APTX: variants seen among roughly 807,000 people sequenced by gnomAD.
APTX encodes the protein forkhead-associated domain histidine triad-like protein.
APTX carries 33 observed loss-of-function variants against 42.3 expected under a neutral mutation model. The observed-to-expected ratio is 0.78, with a 90% CI of 0.59 to 1.04. The LOEUF (loss-of-function observed/expected upper bound fraction) is 1.04, where lower values mean the gene tolerates loss of function less well. Among genes scored for constraint, APTX ranks in the 50% least tolerant of loss-of-function variants. The pLI is 0.00. For synonymous variants in APTX, 130 were observed against 146.7 expected, an observed-to-expected ratio of 0.89 and a Z score of 0.82; for missense variants, 421 against 415.1, an observed-to-expected ratio of 1.01 and a Z score of -0.12.
At chr9:33,004,061 A>C (rs188718068), upstream of APTX, among the ~76,000 whole-genome samples, 218 of 152,388 alleles carry the variant, frequency 1.4e-3, no homozygotes, top group African/African-American at 5.1e-3. Context: ...AAAATGTCGT[A>C]CATATACACC....
chr9:32,986,018 G>T lies in APTX; in HGVS notation c.496C>A (p.His166Asn). 2 of 1,543,860 alleles carry T rather than the reference G, an allele frequency of 1.3e-6. No homozygotes were observed. Among genetic ancestry groups the T allele is most frequent in the Non-Finnish European group, 1.8e-6 (2 of 1,137,830 alleles). ...DAPIKKESLG[H>N]WSQGLKISMQ... The stretch of plus-strand genomic sequence containing the variant: ...GAAATCTTCAAGCCTTGACTCCAGT[G>T]GCCCAGGGATTCCTAAAAAAAAAAC... Residue 166 changes from histidine to asparagine, a missense_variant, in exon 5 of 8, where the codon CAC becomes AAC. Physicochemically the swap from His to Asn is moderately conservative, Grantham distance 68. Transcript: ENST00000379817.
upstream of APTX, among the ~76,000 whole-genome samples, chr9:33,002,199 A>C (rs1036109610): frequency 6.6e-6 from 1 of 152,114 alleles, no homozygotes; most frequent in Non-Finnish European, 1.5e-5. Context: ...GTTCCCTAAG[A>C]ATCATATTGC....
Position 33,013,798 on chromosome 9 carries a change from C to T in APTX, c.-5+11225G>A, listed in dbSNP as rs540746200. 2.6e-5 allele frequency among the ~76,000 whole-genome samples: 4 copies of T among 152,262 alleles called. No individual in the cohort carries two copies. In the South Asian group the frequency reaches 8.3e-4, roughly 32 times the overall value. On this transcript the variant is annotated intron_variant, in intron 1 of 6. Transcript: ENST00000436040. ...CAGCCTGGGCGACGGTGCAAGACTC[C>T]GTCTAAAAAACAAAACAAAAACAAG...
upstream of APTX, among the ~76,000 whole-genome samples, chr9:33,004,951 T>C (rs1351295546): frequency 2.0e-5 from 3 of 152,050 alleles, no homozygotes; most frequent in African/African-American, 7.2e-5. Flanking sequence ...CTTGTTACTT[T>C]TTTTTGATAG....
At chr9:32,995,609 TG>T (rs1272207076) in intron 1 of APTX, among the ~76,000 whole-genome samples, 5 of 152,132 alleles carry the variant, frequency 3.3e-5, no homozygotes, top group African/African-American at 4.8e-5. Flanking sequence ...AACAAAGGGC[TG>T]GGTGTTATGG....
At chr9:33,006,271 A>G (rs974438383), upstream of APTX, among the ~76,000 whole-genome samples, 2 of 152,168 alleles carry the variant, frequency 1.3e-5, no homozygotes, top group African/African-American at 4.8e-5. Context: ...AAAAATTTTA[A>G]TAAAAAGAAT....
Position 32,989,882 on chromosome 9 carries a change from C to A in APTX, c.10G>T (p.Val4Leu). ...CTGTCCTGTCTCACCAACCAGCACA[C>A]CCGCATCATCACTCTAAGGGACAAA... MMR[V>L]CWLVRQDSRH... The change falls in exon 2 of 8, where the codon GTG (valine) becomes TTG (leucine). Residue 4 changes from valine (V) to leucine (L), a missense_variant. Val to Leu is a conservative substitution (Grantham distance 32). Coordinates refer to ENST00000379817, the MANE Select transcript of APTX (RefSeq NM_001195248.2). The A allele has an allele frequency of 6.2e-7, 1 of 1,614,074 alleles. No homozygotes were observed. The highest frequency in any genetic ancestry group is 8.5e-7 in the Non-Finnish European group (1 of 1,179,996).
intron 1 of APTX, among the ~76,000 whole-genome samples, chr9:32,995,254 C>T (rs1834548216): frequency 6.6e-6 from 1 of 152,070 alleles, no homozygotes; most frequent in African/African-American, 2.4e-5. Flanking sequence ...AAATTGAAAA[C>T]CTTCTGAAAA....
chr9:32,988,191 C>T, intron 2 of APTX, 62 bp from the exon 3 acceptor site: 1 of 1,490,900 alleles, frequency 6.7e-7, no homozygotes, highest in Non-Finnish European at 9.4e-7. Context: ...TTGCTCCTAT[C>T]TTCCCTAAAG....
intron 1 of APTX, among the ~76,000 whole-genome samples, chr9:33,013,104 TCTA>T (rs750861229): frequency 6.6e-6 from 1 of 152,218 alleles, no homozygotes; most frequent in Non-Finnish European, 1.5e-5. Context: ...ATTTACTAGC[TCTA>T]CTATTTCCTC....
chr9:33,008,335 G>A (rs1837303968), intron 1 of APTX, among the ~76,000 whole-genome samples: 1 of 151,730 alleles, frequency 6.6e-6, no homozygotes, highest in Non-Finnish European at 1.5e-5. Flanking sequence ...AGGAAATTGA[G>A]CATATTTCTG....
At chr9:33,001,246 C>A in intron 1 of APTX, 1 of 1,361,040 alleles carries the variant, frequency 7.3e-7, no homozygotes, top group Admixed American at 2.3e-5. Context: ...AAACGCTGCC[C>A]TTCCCGACAA....
At chr9:32,998,733 T>C (rs1563987210) in intron 1 of APTX, among the ~76,000 whole-genome samples, 1 of 151,526 alleles carries the variant, frequency 6.6e-6, no homozygotes, top group African/African-American at 2.4e-5. Context: ...GGTGAGGGGC[T>C]AGGGGAGGGA....
upstream of APTX, among the ~76,000 whole-genome samples, chr9:33,002,399 A>C (rs932367998): frequency 6.6e-6 from 1 of 152,166 alleles, no homozygotes; most frequent in African/African-American, 2.4e-5. Flanking sequence ...TGGCTAAGTC[A>C]GTTTACCAAG....
chr9:33,003,289 T>G (rs1836848132), upstream of APTX, among the ~76,000 whole-genome samples: 1 of 152,186 alleles, frequency 6.6e-6, no homozygotes, highest in Admixed American at 6.5e-5. Context: ...AAAAGCAAGA[T>G]CACATGGCAC....
At chr9:33,001,660 G>C (rs571963555), upstream of APTX, 48 of 1,605,896 alleles carry the variant, frequency 3.0e-5, no homozygotes, top group Non-Finnish European at 3.9e-5. Context: ...GCTGTATCGC[G>C]ACCAGTGACG....
At chr9:32,987,167 GT>G (rs1832389163) in intron 4 of APTX, among the ~76,000 whole-genome samples, 1 of 152,186 alleles carries the variant, frequency 6.6e-6, no homozygotes, top group East Asian at 1.9e-4. Flanking sequence ...AAATGCCAGA[GT>G]ATGAGTCATA....
At chr9:32,978,216 G>A (rs1265753263) in intron 6 of APTX, among the ~76,000 whole-genome samples, 2 of 152,140 alleles carry the variant, frequency 1.3e-5, no homozygotes, top group South Asian at 2.1e-4. Context: ...TAGACTGAGT[G>A]GGGAAACTCA....
At chr9:32,981,835 TAA>T (rs1830743116) in intron 6 of APTX, among the ~76,000 whole-genome samples, 1 of 152,078 alleles carries the variant, frequency 6.6e-6, no homozygotes, top group African/African-American at 2.4e-5. Context: ...TTTCAACTAA[TAA>T]GTTAGGTGAA....
Sources: allele counts gnomAD v4.1 joint callset (sites outside exome capture counted in the v4.1 genomes callset), GRCh38; gene constraint gnomAD v4.1.1; transcripts MANE v1.5; gene names NCBI Gene and HGNC (gene_info 2026-07-23, HGNC 2026-07-21).